The following DNER variants were observed in gnomAD, a reference collection of about 807,000 sequenced individuals.
DNER encodes delta/notch like EGF repeat containing, also known as delta and Notch-like epidermal growth factor-related receptor.
DNER carries 33 observed loss-of-function variants against 78.2 expected under a neutral mutation model. The observed-to-expected ratio is 0.42, with a 90% CI of 0.32 to 0.56. The LOEUF (loss-of-function observed/expected upper bound fraction) is 0.56, where lower values mean the gene tolerates loss of function less well. DNER is among the 20% of genes least tolerant of loss of function. The pLI, the probability that DNER is intolerant of heterozygous loss-of-function variation, is 0.11. For synonymous variants in DNER, 417 were observed against 384.8 expected (o/e 1.08, Z -0.98); for missense variants, 918 against 975.3 (o/e 0.94, Z 0.78).
chr2:229,565,650 T>C (rs2154213879), intron 4 of DNER, among the ~76,000 whole-genome samples: 1 of 152,334 alleles, frequency 6.6e-6, no homozygotes, highest in South Asian at 2.1e-4. Flanking sequence ...AATCTCCCAA[T>C]GTGCCTATTT....
At chr2:229,592,715 C>T (rs1182676384) in intron 1 of DNER, among the ~76,000 whole-genome samples, 3 of 152,152 alleles carry the variant, frequency 2.0e-5, no homozygotes, top group Non-Finnish European at 4.4e-5. Context: ...AAATCACCTG[C>T]TCCTCTTCAG....
At chr2:229,482,226 T>C (rs1695175830) in intron 6 of DNER, among the ~76,000 whole-genome samples, 1 of 152,198 alleles carries the variant, frequency 6.6e-6, no homozygotes, top group Non-Finnish European at 1.5e-5. Context: ...ATAATACCTT[T>C]CACATTGTCT....
intron 4 of DNER, among the ~76,000 whole-genome samples, chr2:229,547,674 T>G (rs1197039238): frequency 6.6e-6 from 1 of 152,232 alleles, no homozygotes; most frequent in Non-Finnish European, 1.5e-5. Flanking sequence ...GCATCTTACT[T>G]GATCACCAAT....
At chr2:229,417,692 AC>A (rs1693681122) in intron 9 of DNER, among the ~76,000 whole-genome samples, 1 of 152,154 alleles carries the variant, frequency 6.6e-6, no homozygotes, top group Non-Finnish European at 1.5e-5. Context: ...ACTTGCTGAT[AC>A]ATGGGACTCC....
intron 1 of DNER, among the ~76,000 whole-genome samples, chr2:229,598,165 G>T (rs371759589): frequency 6.6e-6 from 1 of 152,238 alleles, no homozygotes; most frequent in East Asian, 1.9e-4. Flanking sequence ...CTCGAAGTGT[G>T]GACACCTGCA....
intron 8 of DNER, among the ~76,000 whole-genome samples, chr2:229,444,794 C>T (rs889896105): frequency 6.6e-6 from 1 of 152,042 alleles, no homozygotes; most frequent in African/African-American, 2.4e-5. Context: ...GAGACTGAGG[C>T]AGGAGAATCG....
chr2:229,526,532 G>T (rs1246731637), intron 5 of DNER, among the ~76,000 whole-genome samples: 1 of 152,190 alleles, frequency 6.6e-6, no homozygotes, highest in Non-Finnish European at 1.5e-5. Flanking sequence ...TAGGGGGGTG[G>T]TTTTGGGATG....
intron 3 of DNER, chr2:229,587,041 C>T (rs1354882221): frequency 1.7e-5 from 16 of 967,830 alleles, no homozygotes; most frequent in Non-Finnish European, 2.0e-5. Context: ...CGTTCTGCAG[C>T]TTAAGGGAGT....
intron 5 of DNER, among the ~76,000 whole-genome samples, chr2:229,527,340 C>T (rs1468274703): frequency 6.6e-6 from 1 of 152,186 alleles, no homozygotes; most frequent in Non-Finnish European, 1.5e-5. Flanking sequence ...TCCCTGTTCT[C>T]ACAACCCATA....
intron 8 of DNER, among the ~76,000 whole-genome samples, chr2:229,434,799 G>C (rs955518101): frequency 1.3e-5 from 2 of 152,028 alleles, no homozygotes; most frequent in Admixed American, 6.6e-5. Context: ...CTTATCACTT[G>C]AGTAGGCAAG....
intron 1 of DNER, among the ~76,000 whole-genome samples, chr2:229,711,329 T>C (rs1030677277): frequency 8.6e-5 from 13 of 151,052 alleles, no homozygotes; most frequent in African/African-American, 3.2e-4. Flanking sequence ...GGAATCACTA[T>C]CTTCATGAGG....
chr2:229,580,193 G>T (rs1697368358), intron 4 of DNER: 1 of 152,182 alleles, frequency 6.6e-6, no homozygotes, highest in African/African-American at 2.4e-5. Context: ...ATCCAGTTAA[G>T]ACGTCAATTA....
intron 6 of DNER, among the ~76,000 whole-genome samples, chr2:229,486,090 A>G (rs1695265632): frequency 6.6e-6 from 1 of 152,226 alleles, no homozygotes; most frequent in South Asian, 2.1e-4. Context: ...GTCTGCTAAG[A>G]TGCAGTGCCT....
At position 229,560,436 on chromosome 2, in the gene DNER, C is replaced by T. The variant is rs188698204; in HGVS notation, c.848-13344G>A. 3.3e-3 allele frequency among the ~76,000 whole-genome samples: 506 copies of T among 152,256 alleles called. 4 individuals carry two copies. Among genetic ancestry groups the T allele is most frequent in the African/African-American group, 0.011 (474 of 41,550 alleles). On this transcript the variant is annotated intron_variant, in intron 4 of 12. Transcript: ENST00000341772. Reference sequence around the variant, plus strand: ...AGTCCCATGGCTGGCACCAGATAGGCATGAAAGGTTTGCAATATCACAGAT... The same window carrying T: ...AGTCCCATGGCTGGCACCAGATAGGTATGAAAGGTTTGCAATATCACAGAT...
At chr2:229,552,307 T>G (rs948316418) in intron 4 of DNER, among the ~76,000 whole-genome samples, 2 of 152,178 alleles carry the variant, frequency 1.3e-5, no homozygotes, top group African/African-American at 4.8e-5. Context: ...TACAGGCAGG[T>G]GTTTCAGGCT....
chr2:229,629,468 G>A (rs1450233009), intron 1 of DNER, among the ~76,000 whole-genome samples: 1 of 152,178 alleles, frequency 6.6e-6, no homozygotes, highest in Non-Finnish European at 1.5e-5. Flanking sequence ...ATGGTAACGA[G>A]AGCTTTCTGA....
intron 8 of DNER, among the ~76,000 whole-genome samples, chr2:229,443,016 G>A (rs1284378671): frequency 6.6e-6 from 1 of 152,130 alleles, no homozygotes; most frequent in Non-Finnish European, 1.5e-5. Flanking sequence ...ATGGGCAGAG[G>A]AACTTGGTTG....
chr2:229,625,977 T>C (rs552309076), intron 1 of DNER, among the ~76,000 whole-genome samples: 22 of 152,108 alleles, frequency 1.4e-4, no homozygotes, highest in African/African-American at 5.3e-4. Flanking sequence ...CGGACTGCAG[T>C]GGCGCTATCT....
intron 8 of DNER, among the ~76,000 whole-genome samples, chr2:229,420,338 T>A (rs2106350129): frequency 6.6e-6 from 1 of 152,352 alleles, no homozygotes; most frequent in South Asian, 2.1e-4. Context: ...CCTTATCAAA[T>A]GTATTGTTTG....
Sources: gnomAD v4.1 joint callset for allele counts (sites outside exome capture counted in the v4.1 genomes callset) on GRCh38, gnomAD v4.1.1 for gene constraint, MANE v1.5 for transcripts, NCBI Gene and HGNC (gene_info 2026-07-23, HGNC 2026-07-21) for gene names.